PCDHGA6: variants seen among roughly 807,000 people sequenced by gnomAD.
PCDHGA6 encodes protocadherin gamma-A6.
In PCDHGA6, 41 loss-of-function variants were observed where a neutral mutation model predicts 60.6. The ratio of observed to expected loss-of-function variants is 0.68; its 90% CI spans 0.53 to 0.88. The LOEUF (loss-of-function observed/expected upper bound fraction) is 0.88, where lower values mean the gene tolerates loss of function less well. Among genes scored for constraint, PCDHGA6 ranks in the 40% least tolerant of loss-of-function variants. The probability of loss-of-function intolerance (pLI) is 0.00; values close to 1 mark genes in which losing one functional copy is unlikely to be tolerated. For synonymous variants in PCDHGA6, 594 were observed against 524.4 expected, an observed-to-expected ratio of 1.13 and a Z score of -1.81; for missense variants, 1,312 against 1,203.0, an observed-to-expected ratio of 1.09 and a Z score of -1.34.
chr5:141,374,050 T>C lies in PCDHGA6; in HGVS notation c.-34T>C, dbSNP rs1156255025. The stretch of plus-strand genomic sequence containing the variant: ...AGTGATGCAGATCTGTTCTTCCTCT[T>C]CTTAATCCCAGAGAAGTTCCTAATA... On this transcript the variant is annotated 5_prime_UTR_variant, in exon 1 of 4. Transcript: ENST00000517434. The C allele has an allele frequency of 6.8e-7, 1 of 1,475,134 alleles. No individual in the cohort carries two copies. Among genetic ancestry groups the C allele is most frequent in the African/African-American group, 1.4e-5 (1 of 70,946 alleles). The allele number at this position is 1,475,134 out of a possible 1,614,324, so 91.4% of individuals were successfully genotyped here.
chr5:141,399,909 A>G (rs1181363803), intron 1 of PCDHGA6: 6 of 1,612,410 alleles, frequency 3.7e-6, no homozygotes, highest in East Asian at 4.5e-5. Flanking sequence ...ACGCAGACTC[A>G]GGACACAACG....
chr5:141,383,186 G>A (rs760844021), intron 1 of PCDHGA6: 4 of 1,614,100 alleles, frequency 2.5e-6, no homozygotes, highest in Non-Finnish European at 3.4e-6. Flanking sequence ...GAAGAGATCT[G>A]CGCTCAGAGT....
intron 2 of PCDHGA6, among the ~76,000 whole-genome samples, chr5:141,500,136 A>G (rs966215589): frequency 6.6e-6 from 1 of 151,606 alleles, no homozygotes; most frequent in African/African-American, 2.4e-5. Flanking sequence ...ATATCTTTCT[A>G]AACTTTTCTT....
rs1770158708 is a variant in PCDHGA6 at position 141,374,123 on chromosome 5, G to A, written c.40G>A (p.Val14Ile). ...GAGGCATCCGCAGCGCAGCGAGCAGGTCCTGCTCCTCACGCTCCTGGGGAC... is the reference window on the plus strand; with the variant it reads ...GAGGCATCCGCAGCGCAGCGAGCAGATCCTGCTCCTCACGCTCCTGGGGAC... ...PQRHPQRSEQ[V>I]LLLTLLGTLW... Residue 14 changes from valine (V) to isoleucine (I), a missense_variant, in exon 1 of 4, where the codon GTC becomes ATC. Val to Ile is a conservative substitution (Grantham distance 29, BLOSUM62 3). Coordinates refer to ENST00000517434, the MANE Select transcript of PCDHGA6 (RefSeq NM_018919.3). The A allele has an allele frequency of 1.2e-6, 2 of 1,602,040 alleles. No individual in the cohort carries two copies. Among genetic ancestry groups the A allele is most frequent in the Non-Finnish European group, 8.5e-7 (1 of 1,172,758 alleles).
rs1425476236 is a variant in PCDHGA6 at position 141,375,775 on chromosome 5, C to A, written c.1692C>A (p.Tyr564Ter). The A allele has an allele frequency of 1.2e-6, 2 of 1,614,240 alleles. No homozygotes were observed. Among genetic ancestry groups the A allele is most frequent in the East Asian group, 2.2e-5 (1 of 44,892 alleles). The change falls in exon 1 of 4, where the codon TAC becomes TAA. Residue 564 changes from tyrosine to a stop codon, truncating the protein, a stop_gained. Coordinates refer to ENST00000517434, the MANE Select transcript of PCDHGA6 (RefSeq NM_018919.3). LOFTEE classifies it high-confidence loss of function. The part of the protein sequence containing the change: ...DQNDNAPEIL[Y>*]PALPTDGSTG... ...ATGACAATGCGCCCGAGATCCTGTA[C>A]CCCGCCCTCCCCACAGACGGTTCCA...
Position 141,493,806 on chromosome 5 carries a change from T to C in PCDHGA6, c.2425-1001T>C, listed in dbSNP as rs1339302166. On this transcript the variant is annotated intron_variant, in intron 1 of 3. Coordinates refer to ENST00000517434, the MANE Select transcript of PCDHGA6 (RefSeq NM_018919.3). This position sits in a 1 kb window ranked among gnomAD's most constrained non-coding sequence, Gnocchi z 4.3. ...TCCTTCTCCCTGGAGTAATCTGAGA[T>C]ACTCACACTCTCTGCTTCTGGGAGC... is the stretch of plus-strand genomic sequence containing the variant. Among the ~76,000 whole-genome samples, 1 of 152,162 alleles carries C rather than the reference T, an allele frequency of 6.6e-6. No homozygotes were observed. The highest frequency in any genetic ancestry group is 1.5e-5 in the Non-Finnish European group (1 of 68,038).
At chr5:141,460,043 A>G (rs527752346) in intron 1 of PCDHGA6, among the ~76,000 whole-genome samples, 1 of 152,276 alleles carries the variant, frequency 6.6e-6, no homozygotes, top group South Asian at 2.1e-4. Context: ...GCACCACTGC[A>G]CTCCAGCCTG....
At chr5:141,419,974 C>T (rs368697962) in intron 1 of PCDHGA6, 3 of 1,613,962 alleles carry the variant, frequency 1.9e-6, no homozygotes, top group Non-Finnish European at 2.5e-6. Context: ...TCTTTCTCCT[C>T]GCGGTGATTC....
At position 141,393,422 on chromosome 5, in the gene PCDHGA6, G is replaced by C. The variant is rs552855100; in HGVS notation, c.2424+16915G>C. 12 of 1,614,042 alleles carry C rather than the reference G, an allele frequency of 7.4e-6. No individual in the cohort carries two copies. The East Asian group carries it at 2.7e-4, about 36-fold the overall frequency. On this transcript the variant is annotated intron_variant, in intron 1 of 3. Coordinates refer to ENST00000517434, the MANE Select transcript of PCDHGA6 (RefSeq NM_018919.3). ...TGCTGGAGCGCGCCCTGGACAGGGA[G>C]GAAGAGGCTGCTCACCACCTGGTCC...
intron 1 of PCDHGA6, chr5:141,415,377 C>T (rs774655293): frequency 1.2e-6 from 2 of 1,614,118 alleles, no homozygotes; most frequent in African/African-American, 2.7e-5. Flanking sequence ...CTTCAGGAGG[C>T]GGCTTGACAG....
chr5:141,420,804 G>C (rs1283868316), intron 1 of PCDHGA6, among the ~76,000 whole-genome samples: 1 of 152,188 alleles, frequency 6.6e-6, no homozygotes, highest in Non-Finnish European at 1.5e-5. Context: ...TAAAAATTAA[G>C]CAAGCCCTTT....
chr5:141,432,172 C>T lies in PCDHGA6; in HGVS notation c.2424+55665C>T, dbSNP rs562175068. ...AGAACAATCCCAGAGGAGTTTCCCT[C>T]GTCTCTGTGACCGCCCACGACCCCG... On this transcript the variant is annotated intron_variant, in intron 1 of 3. Coordinates refer to ENST00000517434, the MANE Select transcript of PCDHGA6 (RefSeq NM_018919.3). This position sits in a 1 kb window ranked among gnomAD's most constrained non-coding sequence, Gnocchi z 6.0. 22 of 1,614,152 alleles carry T rather than the reference C, an allele frequency of 1.4e-5. No individual in the cohort carries two copies. In the Admixed American group the frequency reaches 3.5e-4, roughly 26 times the overall value.
intron 1 of PCDHGA6, chr5:141,411,997 T>A (rs1321898808): frequency 6.6e-6 from 1 of 152,030 alleles, no homozygotes; most frequent in Non-Finnish European, 1.5e-5. Context: ...GAAGGCATAG[T>A]GACATAAACA....
intron 1 of PCDHGA6, among the ~76,000 whole-genome samples, chr5:141,492,482 A>G (rs1339196127): frequency 6.6e-6 from 1 of 152,182 alleles, no homozygotes; most frequent in Non-Finnish European, 1.5e-5. Context: ...GCGGCCGCCC[A>G]GGACCAGGCG....
chr5:141,421,348 G>C lies in PCDHGA6; in HGVS notation c.2424+44841G>C, dbSNP rs202220769. On this transcript the variant is annotated intron_variant, in intron 1 of 3. Coordinates refer to ENST00000517434, the MANE Select transcript of PCDHGA6 (RefSeq NM_018919.3). ...CCGATATTCGGTGCCAGAAGAGACC[G>C]AAAAGGGCTCCTTCGTGGGCAATAT... 9.1e-5 allele frequency: 147 copies of C among 1,613,862 alleles called. No individual in the cohort carries two copies. Among genetic ancestry groups the C allele is most frequent in the Non-Finnish European group, 1.1e-4 (125 of 1,179,904 alleles).
Position 141,414,286 on chromosome 5 carries a change from G to A in PCDHGA6, c.2424+37779G>A, listed in dbSNP as rs2095728607. ...AGATTCACCTCTGGGAACAGTCGTA[G>A]CCCTTTTAAATGTGCATGATTTAGA... On this transcript the variant is annotated intron_variant, in intron 1 of 3. Coordinates refer to ENST00000517434, the MANE Select transcript of PCDHGA6 (RefSeq NM_018919.3). 1.9e-6 allele frequency: 3 copies of A among 1,613,586 alleles called. No individual in the cohort carries two copies. The highest frequency in any genetic ancestry group is 2.5e-6 in the Non-Finnish European group (3 of 1,179,770).
rs370995300 is a variant in PCDHGA6, at chr5:141,399,359, C to T, written c.2424+22852C>T. ...GATGGAACCCTAGACCGAGAGCAAACCCCGGAGTACAATGTCACCATCACA... is the reference window on the plus strand; with the variant it reads ...GATGGAACCCTAGACCGAGAGCAAATCCCGGAGTACAATGTCACCATCACA... On this transcript the variant is annotated intron_variant, in intron 1 of 3. Coordinates refer to ENST00000517434, the MANE Select transcript of PCDHGA6 (RefSeq NM_018919.3). 2.6e-4 allele frequency: 427 copies of T among 1,613,884 alleles called. No individual in the cohort carries two copies. The highest frequency in any genetic ancestry group is 1.2e-4 in the Non-Finnish European group (140 of 1,179,916).
intron 1 of PCDHGA6, among the ~76,000 whole-genome samples, chr5:141,464,300 A>G (rs1349155102): frequency 2.0e-5 from 3 of 149,898 alleles, no homozygotes; most frequent in East Asian, 1.9e-4. Context: ...ACTCCATTGT[A>G]TGTGCACATA....
intron 1 of PCDHGA6, chr5:141,390,762 C>T (rs2092226751): frequency 6.0e-6 from 1 of 166,616 alleles, no homozygotes; most frequent in African/African-American, 2.4e-5. Context: ...GTTTTGTTTC[C>T]TGTGTTAACT....
Sources: allele counts gnomAD v4.1 joint callset (sites outside exome capture counted in the v4.1 genomes callset), GRCh38; gene constraint gnomAD v4.1.1; non-coding constraint Gnocchi (gnomAD v3.1); transcripts MANE v1.5; gene names NCBI Gene and HGNC (gene_info 2026-07-23, HGNC 2026-07-21).